The following KCNIP1 variants were observed in gnomAD, a reference collection of about 807,000 sequenced individuals.
The protein encoded by KCNIP1 is potassium voltage-gated channel interacting protein 1.
A neutral mutation model predicts 33.0 loss-of-function variants in KCNIP1; 18 were observed. That is an observed-to-expected ratio of 0.55 (90% CI 0.38 to 0.81). KCNIP1 has a LOEUF of 0.81. Ranked by LOEUF, KCNIP1 falls within the 30% of genes least tolerant of loss-of-function variation. The pLI is 0.00. For synonymous variants in KCNIP1, 93 were observed against 98.3 expected (o/e 0.95, Z 0.32); for missense variants, 238 against 271.6 (o/e 0.88, Z 0.87).
intron 1 of KCNIP1, among the ~76,000 whole-genome samples, chr5:170,472,439 T>G (rs1299726190): frequency 6.6e-6 from 1 of 152,202 alleles, no homozygotes; most frequent in Non-Finnish European, 1.5e-5. Flanking sequence ...AAAAATTTTA[T>G]TTTTCCATAG....
chr5:170,438,011 G>A (rs13156152), intron 1 of KCNIP1, among the ~76,000 whole-genome samples: 83,230 of 152,046 alleles, frequency 0.55, 23,087 homozygotes, highest in Non-Finnish European at 0.59. Context: ...TTTGCTCCCC[G>A]CTGTGCTTCC....
chr5:170,375,380 A>G (rs962729739), intron 1 of KCNIP1: 6 of 152,270 alleles, frequency 3.9e-5, no homozygotes, highest in African/African-American at 1.4e-4. Context: ...ACTGGAGGCC[A>G]CAGGGATACC....
At chr5:170,729,405 A>G (rs1488129906) in intron 5 of KCNIP1, among the ~76,000 whole-genome samples, 3 of 152,104 alleles carry the variant, frequency 2.0e-5, no homozygotes, top group Non-Finnish European at 4.4e-5. Flanking sequence ...GGCAAGAGTC[A>G]TATTCATCGT....
At chr5:170,463,641 A>C (rs1756552484) in intron 1 of KCNIP1, among the ~76,000 whole-genome samples, 1 of 152,210 alleles carries the variant, frequency 6.6e-6, no homozygotes, top group Non-Finnish European at 1.5e-5. Context: ...AAAAACACTC[A>C]ACAAACTAGA....
At position 170,451,723 on chromosome 5, in the gene KCNIP1, T is replaced by TGTGTGTGTG. The variant is rs1756255311; in HGVS notation, c.88+97759_88+97760insGTGTGTGTG. Among the ~76,000 whole-genome samples, 206 of 122,976 alleles carry TGTGTGTGTG rather than the reference T, an allele frequency of 1.7e-3. 2 individuals are homozygous for TGTGTGTGTG. Among genetic ancestry groups the TGTGTGTGTG allele is most frequent in the African/African-American group, 4.3e-3 (133 of 31,114 alleles). 80.7% of individuals were successfully genotyped at this position (122,976 alleles called of 152,430 possible). ...GACAGTTGCTTCAGCTTCTCCTGCA[T>TGTGTGTGTG]TGTGTGTGTGTGTGTGTGTGTGTGT... On this transcript the variant is annotated intron_variant, in intron 1 of 7. Coordinates refer to the KCNIP1 transcript ENST00000377360.
chr5:170,522,903 A>G (rs1000319914), intron 1 of KCNIP1, among the ~76,000 whole-genome samples: 4 of 152,304 alleles, frequency 2.6e-5, no homozygotes, highest in Admixed American at 2.0e-4. Flanking sequence ...AGGACTTGGA[A>G]CAAAGGAATC....
At chr5:170,578,257 C>T (rs1022995794) in intron 1 of KCNIP1, among the ~76,000 whole-genome samples, 3 of 152,150 alleles carry the variant, frequency 2.0e-5, no homozygotes, top group Non-Finnish European at 4.4e-5. Flanking sequence ...GGAAAGGCTA[C>T]ACACAGGGAT....
intron 1 of KCNIP1, among the ~76,000 whole-genome samples, chr5:170,360,838 G>A (rs1224685806): frequency 6.6e-6 from 1 of 152,222 alleles, no homozygotes; most frequent in Non-Finnish European, 1.5e-5. Context: ...GAGGAAGGAA[G>A]GTTGAATAAA....
rs182336582 is a variant in KCNIP1, at chr5:170,582,787, T to C, written c.61+78154T>C. 2.0e-5 allele frequency among the ~76,000 whole-genome samples: 3 copies of C among 152,250 alleles called. No individual in the cohort carries two copies. The East Asian group carries it at 5.8e-4, about 29-fold the overall frequency. On this transcript the variant is annotated intron_variant, in intron 1 of 7. Transcript: ENST00000328939. The stretch of plus-strand genomic sequence containing the variant: ...AAGTACACACCCACAGTCCTACAAA[T>C]TGGGGAAGAGCCAGAGGCAATAAAT...
intron 1 of KCNIP1, among the ~76,000 whole-genome samples, chr5:170,577,270 C>T (rs951932499): frequency 1.3e-5 from 2 of 152,166 alleles, no homozygotes; most frequent in East Asian, 1.9e-4. Context: ...TCTGTCCTCT[C>T]GGTTCTGAAG....
At chr5:170,636,706 T>C (rs1040001221) in intron 1 of KCNIP1, among the ~76,000 whole-genome samples, 2 of 152,008 alleles carry the variant, frequency 1.3e-5, no homozygotes, top group Non-Finnish European at 2.9e-5. Flanking sequence ...AAAACAAGCA[T>C]AGAAACCAGC....
intron 5 of KCNIP1, among the ~76,000 whole-genome samples, chr5:170,725,851 C>T (rs1763988561): frequency 6.6e-6 from 1 of 151,976 alleles, no homozygotes; most frequent in Admixed American, 6.6e-5. Context: ...GAGATAGACC[C>T]ACCCATATGT....
At chr5:170,517,875 T>C (rs1053792834) in intron 1 of KCNIP1, among the ~76,000 whole-genome samples, 2 of 143,128 alleles carry the variant, frequency 1.4e-5, no homozygotes, top group African/African-American at 5.2e-5. Context: ...GTGGTGGTAG[T>C]GATGATGGTG....
At chr5:170,699,150 A>G (rs1372622743) in intron 1 of KCNIP1, among the ~76,000 whole-genome samples, 1 of 152,180 alleles carries the variant, frequency 6.6e-6, no homozygotes, top group Non-Finnish European at 1.5e-5. Flanking sequence ...ATTGCAGCAA[A>G]TTTAGAAAAT....
chr5:170,384,761 G>C (rs1764396292), intron 1 of KCNIP1, among the ~76,000 whole-genome samples: 1 of 152,202 alleles, frequency 6.6e-6, no homozygotes, highest in Non-Finnish European at 1.5e-5. Context: ...ATATGTCATG[G>C]AGCAAGGGCA....
chr5:170,377,581 GT>G (rs369385575), intron 1 of KCNIP1: 9 of 147,804 alleles, frequency 6.1e-5, no homozygotes, highest in African/African-American at 7.5e-5. Flanking sequence ...TTTGTTTTTT[GT>G]TTTTTTTTTG....
intron 1 of KCNIP1, among the ~76,000 whole-genome samples, chr5:170,522,863 T>A (rs1755416161): frequency 6.6e-6 from 1 of 152,174 alleles, no homozygotes; most frequent in African/African-American, 2.4e-5. Flanking sequence ...GTTTTCCCTC[T>A]AAAGAGGACC....
intron 1 of KCNIP1, among the ~76,000 whole-genome samples, chr5:170,637,026 C>T (rs1002587696): frequency 6.6e-6 from 1 of 152,042 alleles, no homozygotes; most frequent in Non-Finnish European, 1.5e-5. Flanking sequence ...ACCAACAGGA[C>T]GGTGGTCAGA....
chr5:170,490,840 C>T (rs1483662903), intron 1 of KCNIP1, among the ~76,000 whole-genome samples: 3 of 152,220 alleles, frequency 2.0e-5, no homozygotes, highest in Non-Finnish European at 2.9e-5. Flanking sequence ...CTTGAGCACA[C>T]CCAGCCCACT....
Sources: allele counts gnomAD v4.1 joint callset (sites outside exome capture counted in the v4.1 genomes callset), GRCh38; gene constraint gnomAD v4.1.1; transcripts MANE v1.5; gene names NCBI Gene and HGNC (gene_info 2026-07-23, HGNC 2026-07-21).